The following RRN3 variants were observed in gnomAD, a reference collection of about 807,000 sequenced individuals.
RRN3 encodes RNA polymerase I-specific transcription initiation factor RRN3.
A neutral mutation model predicts 82.3 loss-of-function variants in RRN3; 38 were observed. The ratio of observed to expected loss-of-function variants is 0.46; its 90% CI spans 0.36 to 0.61. The LOEUF is 0.61. RRN3 is among the 20% of genes least tolerant of loss of function. The pLI is 0.00. For missense variants in RRN3, 726 were observed against 793.1 expected, an observed-to-expected ratio of 0.92 and a Z score of 1.02; for synonymous variants, 284 against 284.3, an observed-to-expected ratio of 1.00 and a Z score of 0.01.
At chr16:15,066,900 C>T (rs1009368706) in intron 15 of RRN3, among the ~76,000 whole-genome samples, 32 of 152,168 alleles carry the variant, frequency 2.1e-4, no homozygotes, top group African/African-American at 7.0e-4. Flanking sequence ...GCCTCCAATG[C>T]GCATGCCAAC....
At chr16:15,065,928 G>A (rs1034991016) in intron 15 of RRN3, among the ~76,000 whole-genome samples, 4 of 152,378 alleles carry the variant, frequency 2.6e-5, no homozygotes, top group South Asian at 2.1e-4. Context: ...GGCATGCCGA[G>A]TGAGAACAGT....
At chr16:15,068,512 A>G (rs2045078024) in intron 14 of RRN3, among the ~76,000 whole-genome samples, 1 of 152,198 alleles carries the variant, frequency 6.6e-6, no homozygotes, top group Non-Finnish European at 1.5e-5. Context: ...AAAACTTAGG[A>G]AGTAGCAGGC....
chr16:15,067,037 TC>T (rs2045010294), intron 15 of RRN3, among the ~76,000 whole-genome samples: 1 of 146,716 alleles, frequency 6.8e-6, no homozygotes, highest in African/African-American at 2.5e-5. Flanking sequence ...CTGCTCACCA[TC>T]TTAACCAACG....
At chr16:15,092,323 C>T (rs1367010521) in intron 2 of RRN3, among the ~76,000 whole-genome samples, 186 bp downstream of exon 2, 1 of 152,004 alleles carries the variant, frequency 6.6e-6, no homozygotes, top group African/African-American at 2.4e-5. Flanking sequence ...GTGAAATGGG[C>T]CAAGGTGGGG....
At chr16:15,074,014 C>T (rs1165037131) in intron 11 of RRN3, among the ~76,000 whole-genome samples, 1 of 152,182 alleles carries the variant, frequency 6.6e-6, no homozygotes, top group Non-Finnish European at 1.5e-5. Context: ...AAAAAATACT[C>T]TCCTACATAT....
chr16:15,089,307 G>A (rs371778095), intron 3 of RRN3, among the ~76,000 whole-genome samples: 2 of 151,896 alleles, frequency 1.3e-5, no homozygotes, highest in African/African-American at 4.8e-5. Flanking sequence ...CCCCAAAAAC[G>A]AAAATGAAAT....
intron 3 of RRN3, among the ~76,000 whole-genome samples, chr16:15,089,610 C>T (rs2046041257): frequency 6.6e-6 from 1 of 151,186 alleles, no homozygotes; most frequent in Admixed American, 6.6e-5. Context: ...ACCATCCTGG[C>T]TAACATGGTG....
Position 15,070,059 on chromosome 16 carries a change from A to G in RRN3, c.1444+11T>C. On this transcript the variant is annotated intron_variant, in intron 14 of 17. Transcript: ENST00000198767. ...AAGGAAAATCCAGTCCAGCACTCCC[A>G]CAACACTGACCTTCTTTCAGGTTTC... The G allele has an allele frequency of 6.8e-7, 1 of 1,466,386 alleles. No individual in the cohort carries two copies. Among genetic ancestry groups the G allele is most frequent in the Non-Finnish European group, 9.4e-7 (1 of 1,063,874 alleles). The allele number at this position is 1,466,386 out of a possible 1,614,324, so 90.8% of individuals were successfully genotyped here. A position where few individuals can be genotyped will look rare whatever the true frequency, so the allele number is the denominator to read the frequency against.
chr16:15,064,945 T>A (rs1056891193), intron 16 of RRN3, among the ~76,000 whole-genome samples: 15 of 152,092 alleles, frequency 9.9e-5, no homozygotes, highest in Non-Finnish European at 1.5e-4. Flanking sequence ...GGCGGGCGGA[T>A]CACGAGGTCA....
intron 3 of RRN3, among the ~76,000 whole-genome samples, chr16:15,090,873 G>GTTTTTTTTTTTT (rs4012873): frequency 2.3e-5 from 3 of 128,192 alleles, no homozygotes; most frequent in Non-Finnish European, 1.7e-5. Flanking sequence ...TCAGTGGTTT[G>GTTTTTTTTTTTT]TTTTTTTTTT....
chr16:15,061,752 G>T lies in RRN3; in HGVS notation c.1948C>A (p.Pro650Thr). Reference protein sequence around the residue: ...SPPVLYMQPSPL With the variant: ...SPPVLYMQPSTL Reference sequence around the variant, plus strand: ...GTCACAAATTTCTGCCGTCAGAGGGGACTGGGTTGCATGTACAACACGGGT... The same window carrying T: ...GTCACAAATTTCTGCCGTCAGAGGGTACTGGGTTGCATGTACAACACGGGT... Residue 650 changes from proline to threonine, a missense_variant, in exon 18 of 18, where the codon CCC becomes ACC. Coordinates refer to ENST00000198767, the MANE Select transcript of RRN3 (RefSeq NM_018427.5). The T allele has an allele frequency of 6.2e-7, 1 of 1,611,654 alleles. No individual in the cohort carries two copies. Among genetic ancestry groups the T allele is most frequent in the Non-Finnish European group, 8.5e-7 (1 of 1,177,914 alleles).
At chr16:15,062,489 G>C (rs1597862524) in intron 17 of RRN3, among the ~76,000 whole-genome samples, 1 of 152,182 alleles carries the variant, frequency 6.6e-6, no homozygotes, top group Non-Finnish European at 1.5e-5. Flanking sequence ...CCAAGCAACA[G>C]AGCAGCGAAA....
At chr16:15,088,965 G>A (rs1178411692) in intron 3 of RRN3, among the ~76,000 whole-genome samples, 2 of 152,006 alleles carry the variant, frequency 1.3e-5, no homozygotes, top group African/African-American at 2.4e-5. Context: ...TAAGTTTGGA[G>A]CATCTATGAT....
At chr16:15,062,391 T>A (rs1277117021) in intron 17 of RRN3, among the ~76,000 whole-genome samples, 2 of 152,250 alleles carry the variant, frequency 1.3e-5, no homozygotes, top group South Asian at 2.1e-4. Context: ...AAGAAAAAGA[T>A]GAAAGGGGCT....
intron 9 of RRN3, among the ~76,000 whole-genome samples, chr16:15,077,099 C>T (rs1214878463): frequency 2.0e-5 from 3 of 151,860 alleles, no homozygotes; most frequent in African/African-American, 4.8e-5. Flanking sequence ...CCTGCCTCAG[C>T]CTCCCGAGTA....
At chr16:15,092,136 G>A (rs769963828) in intron 2 of RRN3, among the ~76,000 whole-genome samples, 4 of 152,238 alleles carry the variant, frequency 2.6e-5, no homozygotes, top group African/African-American at 7.2e-5. Flanking sequence ...CCGAGGTCAC[G>A]CCACTGCACT....
At chr16:15,087,710 T>A (rs924597152) in intron 3 of RRN3, among the ~76,000 whole-genome samples, 3 of 152,216 alleles carry the variant, frequency 2.0e-5, no homozygotes, top group Admixed American at 6.5e-5. Flanking sequence ...GCCAAAGGCA[T>A]GTAGAAAACA....
chr16:15,084,532 C>A lies in RRN3; in HGVS notation c.596+110G>T, dbSNP rs573831873. 231 of 702,780 alleles carry A rather than the reference C, an allele frequency of 3.3e-4. 1 individual carries two copies. The highest frequency in any genetic ancestry group is 4.7e-4 in the Non-Finnish European group (204 of 429,518). The allele number at this position is 702,780 out of a possible 1,614,324, so 43.5% of individuals were successfully genotyped here. A position where few individuals can be genotyped will look rare whatever the true frequency, so the allele number is the denominator to read the frequency against. On this transcript the variant is annotated intron_variant, in intron 7 of 17. Transcript: ENST00000198767. ...TTTCCTCAAGTGGATACAAAAAAAA[C>A]ATGCAATGTAAGACTCAAGCTTTAA...
intron 3 of RRN3, among the ~76,000 whole-genome samples, chr16:15,086,908 C>T (rs1020090926): frequency 1.3e-5 from 2 of 152,178 alleles, no homozygotes; most frequent in Admixed American, 1.3e-4. Flanking sequence ...ATAAACATAA[C>T]TTTTCTAAAC....
Sources: allele counts gnomAD v4.1 joint callset (sites outside exome capture counted in the v4.1 genomes callset), GRCh38; gene constraint gnomAD v4.1.1; transcripts MANE v1.5; gene names NCBI Gene and HGNC (gene_info 2026-07-23, HGNC 2026-07-21).